CEP85L: variants seen among roughly 807,000 people sequenced by gnomAD.
CEP85L encodes centrosomal protein 85L.
A neutral mutation model predicts 100.3 loss-of-function variants in CEP85L; 60 were observed. The ratio of observed to expected loss-of-function variants is 0.60; its 90% CI spans 0.49 to 0.74. CEP85L has a LOEUF of 0.74. Among genes scored for constraint, CEP85L ranks in the 30% least tolerant of loss-of-function variants. The probability of loss-of-function intolerance (pLI) is 0.00; values close to 1 mark genes in which losing one functional copy is unlikely to be tolerated. For synonymous variants in CEP85L, 319 were observed against 322.7 expected, an observed-to-expected ratio of 0.99 and a Z score of 0.12; for missense variants, 973 against 936.2, an observed-to-expected ratio of 1.04 and a Z score of -0.51.
At position 118,461,230 on chromosome 6, in the gene CEP85L, T is replaced by C. The variant is rs1278849054; in HGVS notation, c.*4175A>G. On this transcript the variant is annotated 3_prime_UTR_variant, in exon 13 of 13. Coordinates refer to ENST00000368491, the MANE Select transcript of CEP85L (RefSeq NM_001042475.3). ...CACAACAATGCGATGTTAAGTTTTA[T>C]GTTTATGTATTTAACTATTTATACA... is the stretch of plus-strand genomic sequence containing the variant. 1 of 152,098 alleles carries C rather than the reference T, an allele frequency of 6.6e-6. No homozygotes were observed. The highest frequency in any genetic ancestry group is 1.5e-5 in the Non-Finnish European group (1 of 67,988). The allele number at this position is 152,098 out of a possible 1,614,324, so 9.4% of individuals were successfully genotyped here. A position where few individuals can be genotyped will look rare whatever the true frequency, so the allele number is the denominator to read the frequency against.
intron 2 of CEP85L, among the ~76,000 whole-genome samples, chr6:118,600,298 G>GGT (rs1562297671): frequency 6.8e-5 from 4 of 59,152 alleles, no homozygotes; most frequent in Admixed American, 6.1e-4. Flanking sequence ...AGCCTTCCTG[G>GGT]GGGTGTGTGT....
intron 2 of CEP85L, among the ~76,000 whole-genome samples, chr6:118,601,402 A>G (rs1781781580): frequency 6.6e-6 from 1 of 152,222 alleles, no homozygotes; most frequent in African/African-American, 2.4e-5. Context: ...CTCATTGTCT[A>G]AACTGTCGCT....
At chr6:118,550,639 C>G (rs1778487905) in intron 3 of CEP85L, among the ~76,000 whole-genome samples, 1 of 151,844 alleles carries the variant, frequency 6.6e-6, no homozygotes, top group South Asian at 2.1e-4. Context: ...ACAGGGAAAC[C>G]TTGGCAGAAG....
intron 3 of CEP85L, among the ~76,000 whole-genome samples, chr6:118,540,795 T>C (rs1430128710): frequency 6.9e-6 from 1 of 145,756 alleles, no homozygotes; most frequent in Non-Finnish European, 1.5e-5. Flanking sequence ...AATAAATAAA[T>C]AATGCTTTCT....
chr6:118,477,453 T>C (rs912447780), intron 10 of CEP85L, among the ~76,000 whole-genome samples: 2 of 152,110 alleles, frequency 1.3e-5, no homozygotes, highest in African/African-American at 4.8e-5. Context: ...GGCAAAAAAA[T>C]AAACTATAGC....
At chr6:118,599,678 C>T (rs576894457) in intron 2 of CEP85L, among the ~76,000 whole-genome samples, 139 of 152,180 alleles carry the variant, frequency 9.1e-4, no homozygotes, top group African/African-American at 3.3e-3. Context: ...ATATCTTAAA[C>T]AAGCGACCAA....
chr6:118,675,042 A>T (rs1776435833), intron 1 of CEP85L, among the ~76,000 whole-genome samples: 1 of 152,178 alleles, frequency 6.6e-6, no homozygotes, highest in Non-Finnish European at 1.5e-5. Flanking sequence ...ATAGCCCAAA[A>T]ATAGAAATAA....
chr6:118,527,046 A>C (rs1582981406), intron 3 of CEP85L, among the ~76,000 whole-genome samples: 2 of 115,998 alleles, frequency 1.7e-5, no homozygotes, highest in African/African-American at 3.5e-5. Flanking sequence ...ACGCAGTCTC[A>C]CTCTTGTTGC....
At position 118,530,385 on chromosome 6, in the gene CEP85L, GA is replaced by G. The variant is rs59307210; in HGVS notation, c.1021-6466del. On this transcript the variant is annotated intron_variant, in intron 3 of 12. Transcript: ENST00000368491. ...TTAAAAATAATAAGAGCCATGTATG[GA>G]AAAAAAAAAAAAACACAGCCAAGAT... Among the ~76,000 whole-genome samples, 1,003 of 128,178 alleles carry G rather than the reference GA, an allele frequency of 7.8e-3. 5 individuals are homozygous for G. Among genetic ancestry groups the G allele is most frequent in the African/African-American group, 0.024 (867 of 35,698 alleles). The allele number at this position is 128,178 out of a possible 152,430, so 84.1% of individuals were successfully genotyped here. A position where few individuals can be genotyped will look rare whatever the true frequency, so the allele number is the denominator to read the frequency against.
rs182413291 is a variant in CEP85L at position 118,468,201 on chromosome 6, A to T, written c.2254+871T>A. Among the ~76,000 whole-genome samples, 511 of 152,320 alleles carry T rather than the reference A, an allele frequency of 3.4e-3. 1 individual carries two copies. The highest frequency in any genetic ancestry group is 4.0e-3 in the Non-Finnish European group (270 of 68,018). On this transcript the variant is annotated intron_variant, in intron 12 of 12. Coordinates refer to ENST00000368491, the MANE Select transcript of CEP85L (RefSeq NM_001042475.3). ...CAAGTGATATACTTTGGTCAAGAGC[A>T]TTATTTGATTTGCCAAAATAACTAT...
intron 3 of CEP85L, among the ~76,000 whole-genome samples, chr6:118,541,151 A>G (rs929398138): frequency 1.3e-5 from 2 of 152,360 alleles, no homozygotes; most frequent in East Asian, 3.9e-4. Flanking sequence ...AAAAGAATAC[A>G]TTAACGGGGC....
In CEP85L at chr6:118,566,085, T is replaced by A; in HGVS notation, c.464A>T (p.Lys155Ile). 5.0e-6 allele frequency: 8 copies of A among 1,614,196 alleles called. No individual in the cohort carries two copies. Among genetic ancestry groups the A allele is most frequent in the Non-Finnish European group, 6.8e-6 (8 of 1,180,034 alleles). The change falls in exon 3 of 13, where the codon AAA becomes ATA. Residue 155 changes from lysine (K) to isoleucine (I), a missense_variant. By Grantham distance (102) the Lys-to-Ile change is moderately radical. Coordinates refer to ENST00000368491, the MANE Select transcript of CEP85L (RefSeq NM_001042475.3). ...LDMKDFRPLR[K>I]WSSLSKLTAP... ...AGTGAGTTTGGATAAAGATGACCATTTCCGAAGTGGCCGGAAGTCCTTCAT... is the reference window on the plus strand; with the variant it reads ...AGTGAGTTTGGATAAAGATGACCATATCCGAAGTGGCCGGAAGTCCTTCAT...
At chr6:118,649,354 G>C (rs542109175) in intron 1 of CEP85L, among the ~76,000 whole-genome samples, 3 of 152,246 alleles carry the variant, frequency 2.0e-5, no homozygotes, top group African/African-American at 7.2e-5. Context: ...TAATTACAAA[G>C]TATCCTCTTC....
At chr6:118,702,775 T>C (rs1196549794) in intron 1 of CEP85L, among the ~76,000 whole-genome samples, 1 of 152,130 alleles carries the variant, frequency 6.6e-6, no homozygotes. Context: ...GGCAGGCGGA[T>C]CACGAAGTCA....
intron 2 of CEP85L, among the ~76,000 whole-genome samples, chr6:118,568,549 C>T (rs962346065): frequency 1.3e-5 from 2 of 152,210 alleles, no homozygotes; most frequent in African/African-American, 2.4e-5. Context: ...GAATTATACA[C>T]ATCTTCAAAC....
At chr6:118,616,944 C>CAAAA (rs771551037) in intron 2 of CEP85L, among the ~76,000 whole-genome samples, 2 of 105,742 alleles carry the variant, frequency 1.9e-5, no homozygotes, top group Non-Finnish European at 3.9e-5. Flanking sequence ...GACTCTGTGT[C>CAAAA]AAAAAAAAAA....
chr6:118,495,572 G>A (rs944130012), intron 5 of CEP85L, among the ~76,000 whole-genome samples: 5 of 152,084 alleles, frequency 3.3e-5, no homozygotes, highest in Admixed American at 6.5e-5. Context: ...CCCCAGTCAC[G>A]CGGAACTGTA....
chr6:118,681,459 AT>A (rs537498534), intron 1 of CEP85L, among the ~76,000 whole-genome samples: 8 of 152,228 alleles, frequency 5.3e-5, no homozygotes, highest in South Asian at 4.2e-4. Flanking sequence ...TATTCAGACG[AT>A]TTTTTCAACA....
In CEP85L at chr6:118,469,140, A is replaced by G. The variant is rs368068619; in HGVS notation, c.2186T>C (p.Leu729Ser). 92 of 1,613,960 alleles carry G rather than the reference A, an allele frequency of 5.7e-5. No individual in the cohort carries two copies. Among genetic ancestry groups the G allele is most frequent in the Non-Finnish European group, 3.6e-5 (43 of 1,179,952 alleles). Residue 729 changes from leucine to serine, a missense_variant, in exon 12 of 13, where the codon TTG becomes TCG. By Grantham distance (145) the Leu-to-Ser change is moderately radical. Around this residue, in one of 3 missense-constraint regions of CEP85L, gnomAD observed 890 missense variants for 844.5 expected, o/e 1.05. Transcript: ENST00000368491. ...AGCACGCTGATTAAGAATACTACAC[A>G]ATGCTTTCAAGTCAAACAAACAACA... ...MSCCLFDLKA[L>S]CSILNQRAQG...
Sources: allele counts gnomAD v4.1 joint callset (sites outside exome capture counted in the v4.1 genomes callset), GRCh38; gene constraint gnomAD v4.1.1; regional missense constraint gnomAD v4.1.1; transcripts MANE v1.5; gene names NCBI Gene and HGNC (gene_info 2026-07-23, HGNC 2026-07-21).